The following SHROOM2 variants were observed in gnomAD, a reference collection of about 807,000 sequenced individuals.
The protein encoded by SHROOM2 is protein Shroom2.
SHROOM2 carries 33 observed loss-of-function variants against 75.9 expected under a neutral mutation model. The observed-to-expected ratio is 0.43, with a 90% CI of 0.33 to 0.58. The LOEUF (loss-of-function observed/expected upper bound fraction) is 0.58, where lower values mean the gene tolerates loss of function less well. Ranked by LOEUF, SHROOM2 falls within the 20% of genes least tolerant of loss-of-function variation. The pLI is 0.04. For synonymous variants in SHROOM2, 655 were observed against 663.6 expected (o/e 0.99, Z 0.20); for missense variants, 1,434 against 1,461.2 (o/e 0.98, Z 0.30).
intron 1 of SHROOM2, among the ~76,000 whole-genome samples, chrX:9,843,513 C>T (rs1157584167): frequency 1.8e-5 from 2 of 110,663 alleles, no homozygotes; most frequent in African/African-American, 6.6e-5. Flanking sequence ...ATCCTCCAGC[C>T]TCAGCCTCCT....
chrX:9,890,132 C>T (rs755814548), intron 2 of SHROOM2, among the ~76,000 whole-genome samples: 1 of 112,346 alleles, frequency 8.9e-6, no homozygotes, highest in Admixed American at 9.4e-5. Context: ...TTTGGGAGGC[C>T]AAGGTGAGTG....
intron 1 of SHROOM2, among the ~76,000 whole-genome samples, chrX:9,802,755 A>G (rs1157362081): frequency 1.8e-5 from 2 of 110,739 alleles, no homozygotes; most frequent in East Asian, 2.8e-4. Flanking sequence ...ACGACTGCAC[A>G]TTGTTACACT....
chrX:9,850,235 A>G (rs1206736070), intron 1 of SHROOM2, among the ~76,000 whole-genome samples: 1 of 112,163 alleles, frequency 8.9e-6, no homozygotes, highest in African/African-American at 3.2e-5. Context: ...GGAGATGCCC[A>G]CTTGCTGACC....
chrX:9,844,828 TA>T (rs2083997574), intron 1 of SHROOM2, among the ~76,000 whole-genome samples: 4 of 110,087 alleles, frequency 3.6e-5, no homozygotes, highest in Admixed American at 2.0e-4. Context: ...AATAAATAAA[TA>T]AATTAATTAA....
At position 9,830,030 on chromosome X, in the gene SHROOM2, G is replaced by A. The variant is rs1426890384; in HGVS notation, c.165+43320G>A. ...GATTATTTCAGATTCACACTGGCAT[G>A]TCTTGGGCTCTGCAAGTCTCCCTCT... On this transcript the variant is annotated intron_variant, in intron 1 of 9. Coordinates refer to ENST00000380913, the MANE Select transcript of SHROOM2 (RefSeq NM_001649.4). Among the ~76,000 whole-genome samples the A allele has an allele frequency of 3.6e-5, 4 of 111,269 alleles. No homozygotes were observed. The East Asian group carries it at 1.1e-3, about 31-fold the overall frequency.
At chrX:9,831,000 C>T (rs1418760659) in intron 1 of SHROOM2, among the ~76,000 whole-genome samples, 1 of 111,858 alleles carries the variant, frequency 8.9e-6, no homozygotes, top group Non-Finnish European at 1.9e-5. Context: ...AGGCAGAAGG[C>T]GAGAGAAGTC....
At chrX:9,835,796 G>A (rs1220837133) in intron 1 of SHROOM2, among the ~76,000 whole-genome samples, 2 of 108,968 alleles carry the variant, frequency 1.8e-5, no homozygotes, top group Non-Finnish European at 3.8e-5. Context: ...GGAGTCCAGT[G>A]GAACCATCAT....
chrX:9,896,070 C>T lies in SHROOM2; in HGVS notation c.2162C>T (p.Pro721Leu), dbSNP rs1276932513. 25 of 1,210,675 alleles carry T rather than the reference C, an allele frequency of 2.1e-5. No homozygotes were observed. The highest frequency in any genetic ancestry group is 2.8e-5 in the Non-Finnish European group (25 of 895,275). The change falls in exon 4 of 10, where the codon CCA becomes CTA. Residue 721 changes from proline to leucine, a missense_variant. Pro to Leu is a moderately conservative substitution (Grantham distance 98, BLOSUM62 -3). Around this residue, in one of 3 missense-constraint regions of SHROOM2, gnomAD observed 1,340 missense variants for 1,338.3 expected, o/e 1.00. Coordinates refer to ENST00000380913, the MANE Select transcript of SHROOM2 (RefSeq NM_001649.4). ...TCACTGGAACACCGGATGGGGGATC[C>T]AGACACTGTCCCCCACTTCTGGGAG... ...PESLEHRMGD[P>L]DTVPHFWEAG...
intron 1 of SHROOM2, among the ~76,000 whole-genome samples, chrX:9,837,177 G>A (rs2083951174): frequency 8.9e-6 from 1 of 112,413 alleles, no homozygotes; most frequent in African/African-American, 3.2e-5. Context: ...TCCCACTTTT[G>A]TGGGCACACG....
chrX:9,927,843 G>A (rs772569339), intron 5 of SHROOM2, among the ~76,000 whole-genome samples: 223 of 111,173 alleles, frequency 2.0e-3, no homozygotes, highest in Middle Eastern at 9.3e-3. Flanking sequence ...TTGCTGGGGC[G>A]TGACCTGGAG....
chrX:9,916,452 C>T (rs763943142), intron 5 of SHROOM2, among the ~76,000 whole-genome samples: 3 of 111,861 alleles, frequency 2.7e-5, no homozygotes, highest in Non-Finnish European at 3.8e-5. Context: ...TGTGCTCTTC[C>T]ATGTTGATTT....
rs368355034 is a variant in SHROOM2 at position 9,896,519 on chromosome X, G to A, written c.2611G>A (p.Gly871Ser). ...AGTSDLPRRL[G>S]TFAEYQASWK... ...GACTTCAGACCTGCCGCGGAGGCTC[G>A]GCACCTTTGCAGAGTATCAGGCCTC... The change falls in exon 4 of 10, where the codon GGC becomes AGC. Residue 871 changes from glycine (G) to serine (S), a missense_variant. Physicochemically the swap from Gly to Ser is moderately conservative, Grantham distance 56. Around this residue, in one of 3 missense-constraint regions of SHROOM2, gnomAD observed 1,340 missense variants for 1,338.3 expected, o/e 1.00. Transcript: ENST00000380913. The A allele has an allele frequency of 1.2e-5, 15 of 1,210,611 alleles. No homozygotes were observed. In the Admixed American group the frequency reaches 1.3e-4, roughly 11 times the overall value.
intron 5 of SHROOM2, among the ~76,000 whole-genome samples, chrX:9,914,472 G>C (rs2084468036): frequency 9.0e-6 from 1 of 110,501 alleles, no homozygotes; most frequent in African/African-American, 3.3e-5. Flanking sequence ...GGGAGCAGTG[G>C]GAAGAAGCTG....
intron 5 of SHROOM2, among the ~76,000 whole-genome samples, chrX:9,921,459 C>CTT (rs57840045): frequency 2.4e-4 from 26 of 108,500 alleles, no homozygotes; most frequent in African/African-American, 7.7e-4. Flanking sequence ...TGTCAACCCT[C>CTT]TTTTTTTTTG....
intron 1 of SHROOM2, among the ~76,000 whole-genome samples, chrX:9,851,317 T>A (rs1601944910): frequency 9.0e-6 from 1 of 111,550 alleles, no homozygotes; most frequent in East Asian, 2.8e-4. Flanking sequence ...CCTCTTTTTT[T>A]ATTTTGAGAT....
chrX:9,896,438 C>T lies in SHROOM2; in HGVS notation c.2530C>T (p.Arg844Cys), dbSNP rs982172106. ...RTCEGTEPWS[R>C]TTSLGDSLNA... is the part of the protein sequence containing the mutation. ...ATGTGAGGGCACGGAGCCCTGGTCG[C>T]GCACCACCTCCCTTGGGGACAGCCT... Residue 844 changes from arginine to cysteine, a missense_variant, in exon 4 of 10, where the codon CGC becomes TGC. This residue lies in a region of SHROOM2 where 1,340 missense variants were observed against 1,338.3 expected (regional missense o/e 1.00). Transcript: ENST00000380913. The T allele has an allele frequency of 3.4e-5, 41 of 1,210,731 alleles. No individual in the cohort carries two copies. Among genetic ancestry groups the T allele is most frequent in the Admixed American group, 1.1e-4 (5 of 45,969 alleles).
Position 9,786,511 on chromosome X carries a change from A to T in SHROOM2, c.-35A>T, listed in dbSNP as rs753203998. ...CCACGGCCGGGACTGCCCGGAGTGCATGGGCGCGGGCCAGGGACGCTGAGC... is the reference window on the plus strand; with the variant it reads ...CCACGGCCGGGACTGCCCGGAGTGCTTGGGCGCGGGCCAGGGACGCTGAGC... On this transcript the variant is annotated 5_prime_UTR_variant, in exon 1 of 10. The change abolishes an upstream ATG in the 5' untranslated region. Coordinates refer to ENST00000380913, the MANE Select transcript of SHROOM2 (RefSeq NM_001649.4). 8 of 842,524 alleles carry T rather than the reference A, an allele frequency of 9.5e-6. No individual in the cohort carries two copies. In the East Asian group the frequency reaches 5.5e-4, roughly 58 times the overall value. 69.4% of individuals were successfully genotyped at this position (842,524 alleles called of 1,213,427 possible).
chrX:9,820,304 C>T (rs1299473974), intron 1 of SHROOM2, among the ~76,000 whole-genome samples: 2 of 108,645 alleles, frequency 1.8e-5, no homozygotes, highest in African/African-American at 6.7e-5. Flanking sequence ...CTCCCTCCAT[C>T]CTTTCCCACC....
At position 9,948,879 on chromosome X, in the gene SHROOM2, G is replaced by T. The variant is rs1458842263; in HGVS notation, c.*1942G>T. On this transcript the variant is annotated 3_prime_UTR_variant, in exon 10 of 10. Coordinates refer to ENST00000380913, the MANE Select transcript of SHROOM2 (RefSeq NM_001649.4). Reference sequence around the variant, plus strand: ...ACTTACCCCCATCTTTCTCCCTCGGGGAGACGACCCAAGGAATTTCAGAGT... The same window carrying T: ...ACTTACCCCCATCTTTCTCCCTCGGTGAGACGACCCAAGGAATTTCAGAGT... The T allele has an allele frequency of 8.7e-6, 1 of 115,419 alleles. No individual in the cohort carries two copies. Among genetic ancestry groups the T allele is most frequent in the African/African-American group, 3.2e-5 (1 of 30,994 alleles). 9.5% of individuals were successfully genotyped at this position (115,419 alleles called of 1,213,427 possible). A position where few individuals can be genotyped will look rare whatever the true frequency, so the allele number is the denominator to read the frequency against.
Sources: gnomAD v4.1 joint callset for allele counts (sites outside exome capture counted in the v4.1 genomes callset) on GRCh38, gnomAD v4.1.1 for gene constraint, gnomAD v4.1.1 regional missense constraint, MANE v1.5 for transcripts, NCBI Gene and HGNC (gene_info 2026-07-23, HGNC 2026-07-21) for gene names.